CD109: variants seen among roughly 807,000 people sequenced by gnomAD.
CD109 encodes the protein CD109 antigen.
CD109 carries 149 observed loss-of-function variants against 165.8 expected under a neutral mutation model. The ratio of observed to expected loss-of-function variants is 0.90; its 90% CI spans 0.79 to 1.03. CD109 has a LOEUF of 1.03. Ranked by LOEUF, CD109 falls within the 50% of genes least tolerant of loss-of-function variation. The pLI is 0.00. For missense variants in CD109, 1,712 were observed against 1,677.8 expected, an observed-to-expected ratio of 1.02 and a Z score of -0.36; for synonymous variants, 585 against 592.1, an observed-to-expected ratio of 0.99 and a Z score of 0.18.
chr6:73,786,065 A>AACTCCTGGCC (rs11282491), intron 20 of CD109, among the ~76,000 whole-genome samples: 58,388 of 151,772 alleles, frequency 0.38, 11,516 homozygotes, highest in African/African-American at 0.47. Flanking sequence ...GCGGGTCTTG[A>AACTCCTGGCC]TCAAGTGATC....
chr6:73,798,212 T>C (rs1360524016), intron 23 of CD109, among the ~76,000 whole-genome samples: 2 of 151,962 alleles, frequency 1.3e-5, no homozygotes, highest in African/African-American at 4.8e-5. Flanking sequence ...CCTCCCAGGT[T>C]CAAGCGATTC....
rs1230793843 is a variant in CD109, at chr6:73,724,967, C to A, written c.276+1688C>A. ...GAAACCACATTTATTTTGGGGGGTT[C>A]ATAGAGAATATTATACTCTCAAACA... is the stretch of plus-strand genomic sequence containing the variant. On this transcript the variant is annotated intron_variant, in intron 3 of 32. Coordinates refer to ENST00000287097, the MANE Select transcript of CD109 (RefSeq NM_133493.5). Among the ~76,000 whole-genome samples the A allele has an allele frequency of 2.6e-5, 4 of 152,166 alleles. No homozygotes were observed. In the South Asian group the frequency reaches 6.2e-4, roughly 24 times the overall value.
chr6:73,760,268 G>A (rs1480089507), intron 7 of CD109, among the ~76,000 whole-genome samples: 3 of 151,728 alleles, frequency 2.0e-5, no homozygotes, highest in Admixed American at 1.3e-4. Context: ...TTAGCCGGGC[G>A]CGGTGGCGGG....
At chr6:73,775,068 C>A (rs1456987976) in intron 15 of CD109, among the ~76,000 whole-genome samples, 1 of 152,004 alleles carries the variant, frequency 6.6e-6, no homozygotes, top group Non-Finnish European at 1.5e-5. Flanking sequence ...GCCTATGCTG[C>A]AGCTTTGACA....
chr6:73,798,361 C>T (rs1382140290), intron 23 of CD109, among the ~76,000 whole-genome samples: 5 of 152,088 alleles, frequency 3.3e-5, no homozygotes, highest in Non-Finnish European at 7.4e-5. Flanking sequence ...GTAATCCACC[C>T]GCCTTGGCCT....
At chr6:73,704,353 TG>T (rs1278309943) in intron 2 of CD109, among the ~76,000 whole-genome samples, 2 of 152,162 alleles carry the variant, frequency 1.3e-5, no homozygotes, top group African/African-American at 4.8e-5. Context: ...TGATGATTCA[TG>T]GCGGCGGAGG....
At chr6:73,753,193 T>A (rs182011224) in intron 5 of CD109, among the ~76,000 whole-genome samples, 339 of 152,298 alleles carry the variant, frequency 2.2e-3, no homozygotes, top group African/African-American at 7.7e-3. Flanking sequence ...TGTTAAGTAG[T>A]TGGGACAGAG....
At chr6:73,819,807 G>C (rs934012041) in intron 31 of CD109, among the ~76,000 whole-genome samples, 3 of 152,156 alleles carry the variant, frequency 2.0e-5, no homozygotes, top group African/African-American at 7.2e-5. Context: ...ATTGGTTTTG[G>C]AGTTTGTCTT....
At chr6:73,775,636 C>T (rs1389079119) in intron 15 of CD109, among the ~76,000 whole-genome samples, 4 of 152,020 alleles carry the variant, frequency 2.6e-5, no homozygotes. Context: ...AGTCCAGTAC[C>T]CATTAGTTAT....
rs776569949 is a variant in CD109 at position 73,787,303 on chromosome 6, G to T, written c.2407G>T (p.Gly803Cys). Residue 803 changes from glycine (G) to cysteine (C), a missense_variant, in exon 21 of 33, where the codon GGC becomes TGC. Coordinates refer to ENST00000287097, the MANE Select transcript of CD109 (RefSeq NM_133493.5). ...LMTSNEINAT[G>C]HQQTLLVPSE... ...GACTTCAAATGAAATAAATGCCACA[G>T]GCCACCAGCAGACCCTTCTGGTTCC... 3.0e-5 allele frequency: 49 copies of T among 1,613,960 alleles called. No individual in the cohort carries two copies. The East Asian group carries it at 1.1e-3, about 36-fold the overall frequency.
chr6:73,690,930 AT>A (rs1554166899), upstream of CD109, among the ~76,000 whole-genome samples: 1 of 151,816 alleles, frequency 6.6e-6, no homozygotes, highest in African/African-American at 2.4e-5. Context: ...ACTGTAGCAG[AT>A]TTTTTTTTCT....
rs767416290 is a variant in CD109, at chr6:73,811,123, CCG to C, written c.3680_3681del (p.Arg1227LeufsTer17). 14 of 1,613,128 alleles carry C rather than the reference CCG, an allele frequency of 8.7e-6. No homozygotes were observed. The Admixed American group carries it at 2.2e-4, about 25-fold the overall frequency. ...TAAAGTTTCTGATTGACACACACAACCGCTTACTCCTTCAGACAGCAGAGGTG... is the reference window on the plus strand; with the variant it reads ...TAAAGTTTCTGATTGACACACACAACCTTACTCCTTCAGACAGCAGAGGTG... ...PVKFLIDTHN[R>X]LLLQTAELAV... On this transcript the variant is annotated frameshift_variant, in exon 28 of 33. Transcript: ENST00000287097. LOFTEE classifies it high-confidence loss of function.
At chr6:73,764,059 A>C (rs895672139) in intron 10 of CD109, among the ~76,000 whole-genome samples, 11 of 152,220 alleles carry the variant, frequency 7.2e-5, no homozygotes, top group Non-Finnish European at 1.2e-4. Context: ...TGTTACATTA[A>C]AAAATTATCA....
intron 2 of CD109, among the ~76,000 whole-genome samples, chr6:73,717,352 A>C (rs1319653890): frequency 6.6e-6 from 1 of 152,036 alleles, no homozygotes; most frequent in Admixed American, 6.5e-5. Flanking sequence ...TTAAATCTAT[A>C]GATTGCTTTA....
intron 14 of CD109, among the ~76,000 whole-genome samples, chr6:73,770,605 G>A (rs970178697): frequency 1.3e-5 from 2 of 151,990 alleles, no homozygotes; most frequent in Admixed American, 6.5e-5. Context: ...AAAATTAGCC[G>A]GGCATGGTGG....
chr6:73,811,154 G>T lies in CD109; in HGVS notation c.3702+7G>T, dbSNP rs767047823. 18 of 1,608,772 alleles carry T rather than the reference G, an allele frequency of 1.1e-5. No homozygotes were observed. Among genetic ancestry groups the T allele is most frequent in the Non-Finnish European group, 1.5e-5 (18 of 1,178,162 alleles). On this transcript the variant is annotated splice_region_variant and intron_variant, in intron 28 of 32. Transcript: ENST00000287097. Reference sequence around the variant, plus strand: ...ACTCCTTCAGACAGCAGAGGTGTGGGCAAGGGGCAGTTATTTAAAAATCAG... The same window carrying T: ...ACTCCTTCAGACAGCAGAGGTGTGGTCAAGGGGCAGTTATTTAAAAATCAG...
intron 5 of CD109, among the ~76,000 whole-genome samples, chr6:73,745,460 G>A (rs1772947134): frequency 6.6e-6 from 1 of 152,128 alleles, no homozygotes; most frequent in Non-Finnish European, 1.5e-5. Flanking sequence ...ATGTCAACAG[G>A]GCTTGCTGTA....
At chr6:73,715,963 CTT>C (rs946339540) in intron 2 of CD109, among the ~76,000 whole-genome samples, 2 of 152,198 alleles carry the variant, frequency 1.3e-5, no homozygotes, top group Non-Finnish European at 2.9e-5. Context: ...CTTCTACACT[CTT>C]ATCTCCATTA....
chr6:73,732,202 T>C (rs1772389488), intron 4 of CD109, among the ~76,000 whole-genome samples: 1 of 152,234 alleles, frequency 6.6e-6, no homozygotes, highest in Non-Finnish European at 1.5e-5. Context: ...CCAGATATTC[T>C]AATGAATAAC....
Sources: gnomAD v4.1 joint callset for allele counts (sites outside exome capture counted in the v4.1 genomes callset) on GRCh38, gnomAD v4.1.1 for gene constraint, MANE v1.5 for transcripts, NCBI Gene and HGNC (gene_info 2026-07-23, HGNC 2026-07-21) for gene names.